Variants in HK1 observed in about 807,000 individuals in gnomAD.
The protein encoded by HK1 is hexokinase 1.
HK1 carries 28 observed loss-of-function variants against 91.6 expected under a neutral mutation model. That is an observed-to-expected ratio of 0.31 (90% CI 0.23 to 0.42). The LOEUF is 0.42. Ranked by LOEUF, HK1 falls within the 10% of genes least tolerant of loss-of-function variation. The probability of loss-of-function intolerance (pLI) is 1.00; values close to 1 mark genes in which losing one functional copy is unlikely to be tolerated. For missense variants in HK1, 770 were observed against 1,219.8 expected, an observed-to-expected ratio of 0.63 and a Z score of 5.49; for synonymous variants, 430 against 468.1, an observed-to-expected ratio of 0.92 and a Z score of 1.05.
chr10:69,277,796 G>A (rs1844542958), intron 1 of HK1, among the ~76,000 whole-genome samples: 1 of 152,146 alleles, frequency 6.6e-6, no homozygotes, highest in Non-Finnish European at 1.5e-5. Flanking sequence ...ACTTTGGGAG[G>A]CCGACACAGG....
At chr10:69,379,662 C>G (rs750874940) in intron 8 of HK1, among the ~76,000 whole-genome samples, 200 bp from the exon 9 acceptor site, 12 of 152,176 alleles carry the variant, frequency 7.9e-5, no homozygotes, top group Non-Finnish European at 1.8e-4. Context: ...ACAGTTTTTC[C>G]TATCACTACC....
intron 5 of HK1, among the ~76,000 whole-genome samples, chr10:69,306,762 T>C (rs1303592919): frequency 6.6e-6 from 1 of 152,142 alleles, no homozygotes; most frequent in African/African-American, 2.4e-5. Context: ...TGTTTTAGGG[T>C]AAAGGGATTT....
At chr10:69,340,444 T>A (rs1848231458) in intron 1 of HK1, among the ~76,000 whole-genome samples, 1 of 152,136 alleles carries the variant, frequency 6.6e-6, no homozygotes, top group Admixed American at 6.5e-5. Flanking sequence ...GAGACCGGGT[T>A]TTACCATGTT....
chr10:69,310,420 CAAAAAAA>C (rs745830600), intron 5 of HK1, among the ~76,000 whole-genome samples: 5 of 85,386 alleles, frequency 5.9e-5, no homozygotes, highest in African/African-American at 1.6e-4. Context: ...GACTTTGTCT[CAAAAAAA>C]AAAAAAAAAA....
At chr10:69,376,910 G>T (rs1250989541) in intron 7 of HK1, 24 bp from the exon 8 acceptor site, 1 of 1,614,012 alleles carries the variant, frequency 6.2e-7, no homozygotes. Context: ...AGGCTGACAA[G>T]TGCCGGTGTG....
At chr10:69,287,120 A>G (rs1013382714) in intron 2 of HK1, among the ~76,000 whole-genome samples, 5 of 152,214 alleles carry the variant, frequency 3.3e-5, no homozygotes, top group African/African-American at 1.2e-4. Flanking sequence ...AGAAAAAGAA[A>G]TGCCCGAGAC....
chr10:69,390,059 A>G (rs1477330845), intron 14 of HK1, among the ~76,000 whole-genome samples: 1 of 152,188 alleles, frequency 6.6e-6, no homozygotes, highest in Admixed American at 6.5e-5. Flanking sequence ...CTGCTACTGG[A>G]TCAGTTGCTG....
chr10:69,372,865 T>G (rs58377166), intron 7 of HK1, among the ~76,000 whole-genome samples: 23,130 of 149,978 alleles, frequency 0.15, 2,915 homozygotes, highest in African/African-American at 0.36. Context: ...GGGTTTTTTT[T>G]TTGTTGTTGT....
chr10:69,369,175 A>T lies in HK1; in HGVS notation c.592-62A>T. 1.6e-6 allele frequency: 2 copies of T among 1,246,792 alleles called. No individual in the cohort carries two copies. Among genetic ancestry groups the T allele is most frequent in the Non-Finnish European group, 2.4e-6 (2 of 847,080 alleles). 77.2% of individuals were successfully genotyped at this position (1,246,792 alleles called of 1,614,324 possible). A position where few individuals can be genotyped will look rare whatever the true frequency, so the allele number is the denominator to read the frequency against. ...GGGAGCACTTCTGCCAAGCGCTGTT[A>T]AGGTGTGTGATCTCTGCTCCCATGT... is the stretch of plus-strand genomic sequence containing the variant. On this transcript the variant is annotated intron_variant, in intron 5 of 17. Coordinates refer to ENST00000359426, the MANE Select transcript of HK1 (RefSeq NM_000188.3). This position sits in a 1 kb window ranked among gnomAD's most constrained non-coding sequence, Gnocchi z 4.4.
At chr10:69,339,346 G>A (rs1488171839) in intron 1 of HK1, among the ~76,000 whole-genome samples, 12 of 152,290 alleles carry the variant, frequency 7.9e-5, no homozygotes, top group Middle Eastern at 3.4e-3. Flanking sequence ...CTGATCTCCC[G>A]AGGACCAGTG....
rs765322965 is a variant in HK1 at position 69,395,055 on chromosome 10, G to T, written c.2325G>T (p.Thr775=). 2 of 1,613,872 alleles carry T rather than the reference G, an allele frequency of 1.2e-6. No individual in the cohort carries two copies. The highest frequency in any genetic ancestry group is 2.2e-5 in the East Asian group (1 of 44,884). The change falls in exon 16 of 18, where the codon ACG becomes ACT. Residue 775 remains threonine, a synonymous_variant. Coordinates refer to ENST00000359426, the MANE Select transcript of HK1 (RefSeq NM_000188.3). The stretch of plus-strand genomic sequence containing the variant: ...TCTTCCGAGGGCAGATCTCTGAGAC[G>T]CTGAAGACCCGGGGCATCTTTGAGA... ...GFLFRGQISE[T]LKTRGIFETK...
At chr10:69,294,555 G>A (rs1845457076) in intron 3 of HK1, among the ~76,000 whole-genome samples, 1 of 151,970 alleles carries the variant, frequency 6.6e-6, no homozygotes, top group Non-Finnish European at 1.5e-5. Flanking sequence ...GACTCCATCT[G>A]TACAAAAACT....
At chr10:69,337,125 G>C (rs964922616) in intron 1 of HK1, among the ~76,000 whole-genome samples, 20 of 152,200 alleles carry the variant, frequency 1.3e-4, no homozygotes, top group Non-Finnish European at 2.4e-4. Flanking sequence ...GAGACTCAGA[G>C]AGATTAAGTA....
At chr10:69,320,002 G>A (rs915572109) in intron 1 of HK1, among the ~76,000 whole-genome samples, 1 of 152,158 alleles carries the variant, frequency 6.6e-6, no homozygotes, top group Non-Finnish European at 1.5e-5. Flanking sequence ...TCTTGACTTT[G>A]GCGTTCAGAC....
intron 2 of HK1, among the ~76,000 whole-genome samples, chr10:69,355,062 C>T (rs1411836164): frequency 8.2e-6 from 1 of 122,200 alleles, no homozygotes; most frequent in Admixed American, 8.0e-5. Context: ...GAGGAAGACT[C>T]CCTCTCAAAA....
At chr10:69,309,526 G>A (rs1446712112) in intron 5 of HK1, among the ~76,000 whole-genome samples, 21 of 117,238 alleles carry the variant, frequency 1.8e-4, no homozygotes, top group East Asian at 1.6e-3. Context: ...AAAAAAAGCC[G>A]CGAGGTGGCT....
intron 1 of HK1, among the ~76,000 whole-genome samples, chr10:69,275,230 A>G (rs967478509): frequency 2.7e-5 from 4 of 149,002 alleles, no homozygotes; most frequent in African/African-American, 7.4e-5. Flanking sequence ...AAAACAAAAA[A>G]CCTTTTAAGG....
At chr10:69,347,334 G>T (rs1589520031) in intron 2 of HK1, among the ~76,000 whole-genome samples, 1 of 152,056 alleles carries the variant, frequency 6.6e-6, no homozygotes, top group East Asian at 1.9e-4. Context: ...TTTCAGAGGG[G>T]AGGCAGGAGA....
rs59016959 is a variant in HK1 at position 69,378,309 on chromosome 10, C to CAAA, written c.1031+1231_1031+1233dup. ...ATGTATATTATAATAAAGGCTATCT[C>CAAA]AAAAAAAAAAAAACTATAAAAACAT... On this transcript the variant is annotated intron_variant, in intron 8 of 17. Transcript: ENST00000359426. Among the ~76,000 whole-genome samples, 311 of 139,998 alleles carry CAAA rather than the reference C, an allele frequency of 2.2e-3. 1 individual carries two copies. Among genetic ancestry groups the CAAA allele is most frequent in the African/African-American group, 7.9e-3 (300 of 37,934 alleles). 91.8% of individuals were successfully genotyped at this position (139,998 alleles called of 152,430 possible).
Sources: gnomAD v4.1 joint callset for allele counts (sites outside exome capture counted in the v4.1 genomes callset) on GRCh38, gnomAD v4.1.1 for gene constraint, Gnocchi (gnomAD v3.1) non-coding constraint, MANE v1.5 for transcripts, NCBI Gene and HGNC (gene_info 2026-07-23, HGNC 2026-07-21) for gene names.